The following SLC7A11 variants were observed in gnomAD, a reference collection of about 807,000 sequenced individuals.
SLC7A11 encodes the protein solute carrier family 7 member 11, also known as cystine/glutamate transporter.
In SLC7A11, 35 loss-of-function variants were observed where a neutral mutation model predicts 54.5. The ratio of observed to expected loss-of-function variants is 0.64; its 90% CI spans 0.49 to 0.85. The LOEUF (loss-of-function observed/expected upper bound fraction) is 0.85, where lower values mean the gene tolerates loss of function less well. SLC7A11 is among the 40% of genes least tolerant of loss of function. The pLI is 0.00. For missense variants in SLC7A11, 583 were observed against 618.1 expected (o/e 0.94, Z 0.60); for synonymous variants, 230 against 225.2 (o/e 1.02, Z -0.19).
intron 4 of SLC7A11, among the ~76,000 whole-genome samples, chr4:138,221,778 C>CTA (rs1282289217): frequency 6.6e-6 from 1 of 152,078 alleles, no homozygotes; most frequent in African/African-American, 2.4e-5. Flanking sequence ...ATAATGCTAC[C>CTA]TATAGTATCT....
chr4:138,193,348 C>G (rs113269456), intron 6 of SLC7A11, among the ~76,000 whole-genome samples: 356 of 152,216 alleles, frequency 2.3e-3, no homozygotes, highest in African/African-American at 8.2e-3. Flanking sequence ...TCATTTCAAC[C>G]AGATGAGTCC....
At chr4:138,184,314 TACTA>T (rs1736822612) in intron 7 of SLC7A11, among the ~76,000 whole-genome samples, 2 of 152,268 alleles carry the variant, frequency 1.3e-5, no homozygotes, top group Admixed American at 6.6e-5. Flanking sequence ...TATGAGGTAA[TACTA>T]ACTATTTTAA....
At chr4:138,231,560 AAT>A (rs1311576415) in intron 3 of SLC7A11, among the ~76,000 whole-genome samples, 1 of 152,120 alleles carries the variant, frequency 6.6e-6, no homozygotes, top group Non-Finnish European at 1.5e-5. Context: ...TGGCACCTAG[AAT>A]TAAGTTATCC....
At chr4:138,189,987 C>G (rs186147597) in intron 6 of SLC7A11, among the ~76,000 whole-genome samples, 19 of 152,274 alleles carry the variant, frequency 1.2e-4, no homozygotes, top group Non-Finnish European at 2.5e-4. Flanking sequence ...TATTTTATAA[C>G]ATGAATACAG....
intron 2 of SLC7A11, among the ~76,000 whole-genome samples, chr4:138,235,947 A>G (rs1384458241): frequency 6.6e-6 from 1 of 152,200 alleles, no homozygotes; most frequent in African/African-American, 2.4e-5. Flanking sequence ...CCTTAATGAT[A>G]TAATCTACAA....
chr4:138,204,063 A>G lies in SLC7A11; in HGVS notation c.791+10522T>C, dbSNP rs4453980. 8.8e-3 allele frequency among the ~76,000 whole-genome samples: 1,339 copies of G among 151,712 alleles called. 24 individuals are homozygous for G. The highest frequency in any genetic ancestry group is 0.029 in the African/African-American group (1,217 of 41,366). The stretch of plus-strand genomic sequence containing the variant: ...CGAGACATCTTCACTTCTCTGTTCT[A>G]CTCTTCTAGGTTCTACTCTTCCTCC... On this transcript the variant is annotated intron_variant, in intron 6 of 11. Transcript: ENST00000280612.
At chr4:138,221,978 T>G (rs1402982037) in intron 4 of SLC7A11, among the ~76,000 whole-genome samples, 1 of 152,144 alleles carries the variant, frequency 6.6e-6, no homozygotes, top group African/African-American at 2.4e-5. Flanking sequence ...CAAAACAGAT[T>G]ATTGTGCCTA....
intron 2 of SLC7A11, 152 bp downstream of exon 2, chr4:138,236,173 A>C: frequency 1.8e-6 from 1 of 567,236 alleles, no homozygotes; most frequent in Middle Eastern, 5.0e-4. Flanking sequence ...TAATTCAGAA[A>C]GGTACTTTAT....
intron 6 of SLC7A11, among the ~76,000 whole-genome samples, chr4:138,194,801 T>G (rs1214385015): frequency 6.6e-6 from 1 of 152,170 alleles, no homozygotes; most frequent in Non-Finnish European, 1.5e-5. Flanking sequence ...TCCCCATGAG[T>G]TGACAAGGGT....
intron 3 of SLC7A11, among the ~76,000 whole-genome samples, chr4:138,224,485 G>A (rs1453936392): frequency 1.3e-5 from 2 of 152,034 alleles, no homozygotes; most frequent in Non-Finnish European, 2.9e-5. Flanking sequence ...GAAATTGGAA[G>A]TTTTCCTTAT....
intron 4 of SLC7A11, among the ~76,000 whole-genome samples, chr4:138,222,888 T>C (rs1337254285): frequency 2.2e-5 from 3 of 139,056 alleles, no homozygotes; most frequent in African/African-American, 8.4e-5. Context: ...TATTTATCTT[T>C]AATTAAAACT....
At chr4:138,183,461 T>C (rs1262362872) in intron 7 of SLC7A11, among the ~76,000 whole-genome samples, 156 bp from the exon 8 acceptor site, 1 of 152,138 alleles carries the variant, frequency 6.6e-6, no homozygotes, top group Non-Finnish European at 1.5e-5. Flanking sequence ...ACTAACTCCG[T>C]AGACAATAAT....
At chr4:138,223,473 C>G (rs1381024510) in intron 3 of SLC7A11, 149 bp from the exon 4 acceptor site, 5 of 793,632 alleles carry the variant, frequency 6.3e-6, no homozygotes, top group Non-Finnish European at 9.9e-6. Flanking sequence ...AGGCTCTGCC[C>G]CAGGCCTAAT....
chr4:138,232,429 G>A (rs761382873), intron 2 of SLC7A11, 47 bp from the exon 3 acceptor site: 32 of 1,025,708 alleles, frequency 3.1e-5, no homozygotes, highest in Non-Finnish European at 4.4e-5. Flanking sequence ...GGAAAAAACT[G>A]CATTTTCATT....
chr4:138,220,298 A>G, intron 4 of SLC7A11, among the ~76,000 whole-genome samples: 1 of 152,132 alleles, frequency 6.6e-6, no homozygotes, highest in African/African-American at 2.4e-5. Flanking sequence ...CCATTCATGA[A>G]GTATTACCCA....
intron 11 of SLC7A11, chr4:138,174,867 T>C (rs1736531204): frequency 6.6e-6 from 1 of 152,188 alleles, no homozygotes; most frequent in Admixed American, 6.6e-5. Context: ...TTGAAATAAT[T>C]TGAAACAACA....
chr4:138,189,810 C>T (rs1241663251), intron 6 of SLC7A11, among the ~76,000 whole-genome samples: 4 of 152,076 alleles, frequency 2.6e-5, no homozygotes, highest in African/African-American at 4.8e-5. Flanking sequence ...ATCATTTTCG[C>T]TAAAAGTGAT....
intron 9 of SLC7A11, among the ~76,000 whole-genome samples, chr4:138,181,513 AT>A (rs1736741589): frequency 6.6e-6 from 1 of 152,120 alleles, no homozygotes; most frequent in Non-Finnish European, 1.5e-5. Flanking sequence ...TAACATCCAG[AT>A]TCTGCACAGA....
intron 6 of SLC7A11, among the ~76,000 whole-genome samples, chr4:138,199,659 G>A (rs1247701729): frequency 3.3e-5 from 5 of 152,088 alleles, no homozygotes; most frequent in South Asian, 2.1e-4. Context: ...AGAAATGGCA[G>A]CAATAGAGCA....
Sources: allele counts gnomAD v4.1 joint callset (sites outside exome capture counted in the v4.1 genomes callset), GRCh38; gene constraint gnomAD v4.1.1; transcripts MANE v1.5; gene names NCBI Gene and HGNC (gene_info 2026-07-23, HGNC 2026-07-21).